The following RPS6KA2 variants were observed in gnomAD, a reference collection of about 807,000 sequenced individuals.
RPS6KA2 encodes the protein ribosomal protein S6 kinase alpha-2.
RPS6KA2 carries 42 observed loss-of-function variants against 91.8 expected under a neutral mutation model. That is an observed-to-expected ratio of 0.46 (90% CI 0.36 to 0.59). RPS6KA2 has a LOEUF of 0.59. Ranked by LOEUF, RPS6KA2 falls within the 20% of genes least tolerant of loss-of-function variation. RPS6KA2 has a pLI of 0.00. For synonymous variants in RPS6KA2, 414 were observed against 393.6 expected, an observed-to-expected ratio of 1.05 and a Z score of -0.61; for missense variants, 798 against 978.5, an observed-to-expected ratio of 0.82 and a Z score of 2.46.
chr6:166,744,397 C>A (rs11753453), intron 2 of RPS6KA2, among the ~76,000 whole-genome samples: 1 of 152,012 alleles, frequency 6.6e-6, no homozygotes, highest in Admixed American at 6.5e-5. Context: ...CCCGGGGAGT[C>A]GGAGGGGAAT....
intron 11 of RPS6KA2, among the ~76,000 whole-genome samples, chr6:166,468,660 G>A (rs1176205462): frequency 6.6e-6 from 1 of 151,930 alleles, no homozygotes; most frequent in African/African-American, 2.4e-5. Context: ...TCAGGAGATC[G>A]AGATCATCCT....
chr6:166,712,683 T>C (rs67900389), intron 2 of RPS6KA2, among the ~76,000 whole-genome samples: 33,857 of 152,114 alleles, frequency 0.22, 4,442 homozygotes, highest in African/African-American at 0.36. Flanking sequence ...CACTATCTCT[T>C]GATGTGTGAT....
At chr6:166,559,123 G>A (rs552844556) in intron 1 of RPS6KA2, among the ~76,000 whole-genome samples, 1 of 152,122 alleles carries the variant, frequency 6.6e-6, no homozygotes, top group African/African-American at 2.4e-5. Context: ...TTTGGACCTG[G>A]AATATGACAC....
chr6:166,498,709 A>C, intron 7 of RPS6KA2, 59 bp from the exon 8 acceptor site: 1 of 1,592,596 alleles, frequency 6.3e-7, no homozygotes, highest in Non-Finnish European at 8.5e-7. Context: ...GGGGGTCCAC[A>C]CTCAGGCGGG....
chr6:166,469,939 A>G (rs1253185806), intron 10 of RPS6KA2, 34 bp from the exon 11 acceptor site: 1 of 1,577,982 alleles, frequency 6.3e-7, no homozygotes, highest in South Asian at 1.1e-5. Context: ...ATCAGAACAA[A>G]TCCAAGATGG....
intron 2 of RPS6KA2, among the ~76,000 whole-genome samples, chr6:166,844,011 A>T (rs1459804207): frequency 6.6e-6 from 1 of 151,174 alleles, no homozygotes; most frequent in African/African-American, 2.5e-5. Context: ...ACTTAAAGAA[A>T]TAAAAAAAAA....
chr6:166,721,869 G>C (rs999789830), intron 2 of RPS6KA2, among the ~76,000 whole-genome samples: 1 of 150,676 alleles, frequency 6.6e-6, no homozygotes, highest in South Asian at 2.1e-4. Context: ...TGCCAGCCTC[G>C]GCCCCGGATC....
At chr6:166,668,274 C>T (rs1370102309) in intron 2 of RPS6KA2, among the ~76,000 whole-genome samples, 2 of 152,156 alleles carry the variant, frequency 1.3e-5, no homozygotes, top group African/African-American at 2.4e-5. Flanking sequence ...AGCCCACCCT[C>T]GTTCCTTCCC....
In RPS6KA2 at chr6:166,437,867, C is replaced by T. The variant is rs1779388047; in HGVS notation, c.1333-5377G>A. 6.6e-6 allele frequency among the ~76,000 whole-genome samples: 1 copy of T among 152,168 alleles called. No individual in the cohort carries two copies. Among genetic ancestry groups the T allele is most frequent in the Non-Finnish European group, 1.5e-5 (1 of 68,042 alleles). ...ACAGGAGACTTCACCGCTCTCGATA[C>T]ACCTTTCTGGTCTTTGCGTTTCTCT... On this transcript the variant is annotated intron_variant, in intron 14 of 20. Coordinates refer to ENST00000265678, the MANE Select transcript of RPS6KA2 (RefSeq NM_021135.6). This position sits in a 1 kb window ranked among gnomAD's most constrained non-coding sequence, Gnocchi z 4.3.
intron 2 of RPS6KA2, among the ~76,000 whole-genome samples, chr6:166,652,256 C>T (rs531519632): frequency 5.9e-5 from 9 of 152,326 alleles, no homozygotes; most frequent in Middle Eastern, 3.4e-3. Flanking sequence ...ACCAAGCACT[C>T]GCTTCACTGT....
In RPS6KA2 at chr6:166,821,029, C is replaced by T. The variant is rs145635581; in HGVS notation, c.123+37171G>A. On this transcript the variant is annotated intron_variant, in intron 2 of 21. Transcript: ENST00000503859. The surrounding 1 kb of genome is among the most constrained non-coding windows in gnomAD (Gnocchi z 4.1). ...TATCACAGGGAGCCAAGGGCAGGGACAAGCAGGTGTCTTGGAATGATGGGT... is the reference window on the plus strand; with the variant it reads ...TATCACAGGGAGCCAAGGGCAGGGATAAGCAGGTGTCTTGGAATGATGGGT... Among the ~76,000 whole-genome samples the T allele has an allele frequency of 1.1e-4, 17 of 152,258 alleles. No individual in the cohort carries two copies. The highest frequency in any genetic ancestry group is 4.1e-4 in the African/African-American group (17 of 41,550).
At position 166,616,140 on chromosome 6, in the gene RPS6KA2, C is replaced by T. The variant is rs887111284; in HGVS notation, c.99+10781G>A. 1.2e-4 allele frequency among the ~76,000 whole-genome samples: 19 copies of T among 152,194 alleles called. 1 individual carries two copies. Among genetic ancestry groups the T allele is most frequent in the African/African-American group, 4.6e-4 (19 of 41,444 alleles). Reference sequence around the variant, plus strand: ...CCACACCCCGGCTGACCTGCCATGCCACCTGAGAGCCCCCCAGCACTCTGG... The same window carrying T: ...CCACACCCCGGCTGACCTGCCATGCTACCTGAGAGCCCCCCAGCACTCTGG... On this transcript the variant is annotated intron_variant, in intron 1 of 20. Transcript: ENST00000265678.
intron 5 of RPS6KA2, among the ~76,000 whole-genome samples, chr6:166,506,366 A>C (rs1179085447): frequency 1.3e-5 from 2 of 152,180 alleles, no homozygotes; most frequent in Non-Finnish European, 2.9e-5. Flanking sequence ...GCCCAACCAC[A>C]GGCGTGTCAT....
At position 166,648,754 on chromosome 6, in the gene RPS6KA2, T is replaced by C. The variant is rs1383381813; in HGVS notation, c.124-109970A>G. 6.6e-6 allele frequency among the ~76,000 whole-genome samples: 1 copy of C among 152,140 alleles called. No homozygotes were observed. Among genetic ancestry groups the C allele is most frequent in the Non-Finnish European group, 1.5e-5 (1 of 68,032 alleles). ...TGATTACTCCGGCGTCTGCATCTCG[T>C]CCTGAGGTCCTGAACTTTGGGATGG... On this transcript the variant is annotated intron_variant, in intron 2 of 21. Transcript: ENST00000503859. This position sits in a 1 kb window ranked among gnomAD's most constrained non-coding sequence, Gnocchi z 4.8.
chr6:166,484,494 T>C (rs1018569376), intron 10 of RPS6KA2, among the ~76,000 whole-genome samples: 1 of 152,210 alleles, frequency 6.6e-6, no homozygotes, highest in Non-Finnish European at 1.5e-5. Flanking sequence ...TACAGAGAAC[T>C]CCCAGGGGCT....
intron 7 of RPS6KA2, among the ~76,000 whole-genome samples, chr6:166,499,972 G>C (rs1185737005): frequency 6.6e-6 from 1 of 152,240 alleles, no homozygotes; most frequent in Non-Finnish European, 1.5e-5. Context: ...GATGACCCTG[G>C]ATTTCTGGGT....
At chr6:166,848,498 A>G (rs532416666) in intron 2 of RPS6KA2, among the ~76,000 whole-genome samples, 1 of 152,342 alleles carries the variant, frequency 6.6e-6, no homozygotes, top group East Asian at 1.9e-4. Context: ...AAAATGTGGA[A>G]CCACCCCAAA....
intron 2 of RPS6KA2, among the ~76,000 whole-genome samples, chr6:166,806,155 A>G (rs117165465): frequency 0.015 from 2,280 of 152,346 alleles, 30 homozygotes; most frequent in Non-Finnish European, 0.024. Flanking sequence ...CAACATATGC[A>G]TTATAGGAGT....
intron 2 of RPS6KA2, among the ~76,000 whole-genome samples, chr6:166,751,822 T>A (rs189765721): frequency 2.6e-5 from 4 of 152,278 alleles, no homozygotes; most frequent in South Asian, 2.1e-4. Flanking sequence ...GCAGAACATG[T>A]CTTCATGACG....
Sources: allele counts gnomAD v4.1 joint callset (sites outside exome capture counted in the v4.1 genomes callset), GRCh38; gene constraint gnomAD v4.1.1; non-coding constraint Gnocchi (gnomAD v3.1); transcripts MANE v1.5; gene names NCBI Gene and HGNC (gene_info 2026-07-23, HGNC 2026-07-21).